CHRM3: variants seen among roughly 807,000 people sequenced by gnomAD.
The protein encoded by CHRM3 is muscarinic acetylcholine receptor M3.
CHRM3 carries 11 observed loss-of-function variants against 41.8 expected under a neutral mutation model. The observed-to-expected ratio is 0.26, with a 90% confidence interval of 0.17 to 0.44. CHRM3 has a LOEUF of 0.44. CHRM3 is among the 20% of genes least tolerant of loss of function. CHRM3 has a pLI of 1.00. For synonymous variants in CHRM3, 297 were observed against 301.4 expected, an observed-to-expected ratio of 0.99 and a Z score of 0.15; for missense variants, 571 against 745.4, an observed-to-expected ratio of 0.77 and a Z score of 2.72.
intron 5 of CHRM3, among the ~76,000 whole-genome samples, chr1:239,818,963 T>C (rs1424551347): frequency 1.3e-5 from 2 of 152,240 alleles, no homozygotes; most frequent in South Asian, 2.1e-4. Flanking sequence ...CCAAGTTCAG[T>C]TTGATTATGT....
chr1:239,841,727 T>C (rs978078632), intron 6 of CHRM3, among the ~76,000 whole-genome samples: 5 of 152,330 alleles, frequency 3.3e-5, no homozygotes, highest in African/African-American at 9.6e-5. Context: ...AAGAGCAGCT[T>C]TCAAGGCATT....
At chr1:239,857,172 G>T (rs1675189560) in intron 6 of CHRM3, among the ~76,000 whole-genome samples, 1 of 152,062 alleles carries the variant, frequency 6.6e-6, no homozygotes, top group Non-Finnish European at 1.5e-5. Context: ...TGAGTGAGTG[G>T]CAACTTTTAG....
chr1:239,400,240 T>A lies in CHRM3; in HGVS notation c.-521+13013T>A, dbSNP rs143370042. On this transcript the variant is annotated intron_variant, in intron 1 of 6. Coordinates refer to ENST00000676153, the MANE Select transcript of CHRM3 (RefSeq NM_001375978.1). Reference sequence around the variant, plus strand: ...TTTATTTTTATATAGCTGTTGGCCATTTGTAAGTTTTATTTTGAGAAATCT... The same window carrying A: ...TTTATTTTTATATAGCTGTTGGCCAATTGTAAGTTTTATTTTGAGAAATCT... Among the ~76,000 whole-genome samples the A allele has an allele frequency of 2.0e-5, 3 of 152,328 alleles. No individual in the cohort carries two copies. In the East Asian group the frequency reaches 5.8e-4, roughly 29 times the overall value.
chr1:239,901,140 C>A (rs1451330721), intron 6 of CHRM3, among the ~76,000 whole-genome samples: 1 of 152,142 alleles, frequency 6.6e-6, no homozygotes, highest in Non-Finnish European at 1.5e-5. Context: ...GACAGGAGGG[C>A]ATGAGGCACG....
At chr1:239,863,940 A>G (rs1417443287) in intron 6 of CHRM3, among the ~76,000 whole-genome samples, 2 of 152,192 alleles carry the variant, frequency 1.3e-5, no homozygotes, top group African/African-American at 2.4e-5. Flanking sequence ...AGGTTATTCC[A>G]GGAATGTAAG....
intron 6 of CHRM3, among the ~76,000 whole-genome samples, chr1:239,895,992 T>A (rs1430232314): frequency 6.6e-6 from 1 of 152,206 alleles, no homozygotes; most frequent in East Asian, 1.9e-4. Flanking sequence ...CAACAAAATG[T>A]AACTATTCAT....
rs544085404 is a variant in CHRM3, at chr1:239,469,544, T to A, written c.-520-23165T>A. On this transcript the variant is annotated intron_variant, in intron 1 of 6. Coordinates refer to ENST00000676153, the MANE Select transcript of CHRM3 (RefSeq NM_001375978.1). Reference sequence around the variant, plus strand: ...TAGACACCAGCCTTGAGCACTTTTTTAAAAAATTTTTTTATTTTTATTTTT... The same window carrying A: ...TAGACACCAGCCTTGAGCACTTTTTAAAAAAATTTTTTTATTTTTATTTTT... Among the ~76,000 whole-genome samples, 221 of 152,296 alleles carry A rather than the reference T, an allele frequency of 1.5e-3. 2 individuals carry two copies. Among genetic ancestry groups the A allele is most frequent in the Middle Eastern group, 0.01 (3 of 294 alleles).
At chr1:239,389,757 C>G (rs548864567) in intron 1 of CHRM3, among the ~76,000 whole-genome samples, 1 of 152,232 alleles carries the variant, frequency 6.6e-6, no homozygotes, top group Non-Finnish European at 1.5e-5. Flanking sequence ...GTCATTTTCC[C>G]AGCCAACATA....
chr1:239,530,018 C>A (rs1201970693), intron 2 of CHRM3, among the ~76,000 whole-genome samples: 1 of 152,066 alleles, frequency 6.6e-6, no homozygotes, highest in Non-Finnish European at 1.5e-5. Context: ...CTGCCTCAGC[C>A]TCCCGAGTAG....
chr1:239,852,965 G>T (rs1257016580), intron 6 of CHRM3, among the ~76,000 whole-genome samples: 1 of 152,032 alleles, frequency 6.6e-6, no homozygotes, highest in Non-Finnish European at 1.5e-5. Context: ...ATTCTGTCAT[G>T]AAAGTTTGGA....
At chr1:239,465,586 C>T (rs887423697) in intron 1 of CHRM3, among the ~76,000 whole-genome samples, 10 of 152,206 alleles carry the variant, frequency 6.6e-5, no homozygotes, top group African/African-American at 1.9e-4. Context: ...CCATCACTGA[C>T]GTCGGGTTTG....
intron 3 of CHRM3, among the ~76,000 whole-genome samples, chr1:239,562,561 AGAT>A (rs1434752719): frequency 2.0e-5 from 3 of 152,106 alleles, no homozygotes; most frequent in Admixed American, 6.5e-5. Flanking sequence ...TGTTCTATTT[AGAT>A]GATGATGATG....
intron 1 of CHRM3, among the ~76,000 whole-genome samples, chr1:239,473,250 C>T (rs954805575): frequency 3.3e-5 from 4 of 119,990 alleles, no homozygotes; most frequent in African/African-American, 1.3e-4. Context: ...ACTTAATAAA[C>T]GTAAGCATAT....
rs373195302 is a variant in CHRM3, at chr1:239,872,055, C to A, written c.-19-35378C>A. On this transcript the variant is annotated intron_variant, in intron 6 of 6. Transcript: ENST00000676153. ...ACTTTGTAAGAAAGCTAACACACCT[C>A]ACCCCACACTAGCCACTGGTCTCTT... Among the ~76,000 whole-genome samples, 98 of 152,310 alleles carry A rather than the reference C, an allele frequency of 6.4e-4. 1 individual carries two copies. The East Asian group carries it at 0.014, about 22-fold the overall frequency.
chr1:239,909,178 G>T lies in CHRM3; in HGVS notation c.1727G>T (p.Arg576Ile). Residue 576 changes from arginine to isoleucine, a missense_variant, in exon 7 of 7, where the codon AGA (arginine) becomes ATA (isoleucine). Physicochemically the swap from Arg to Ile is moderately conservative, Grantham distance 97 (BLOSUM62 -3). Transcript: ENST00000676153. The part of the protein sequence containing the change: ...KKRRKQQYQQ[R>I]QSVIFHKRAP... The stretch of plus-strand genomic sequence containing the variant: ...AGGCGCAAGCAGCAGTACCAGCAGA[G>T]ACAGTCGGTCATTTTTCACAAGCGC... The T allele has an allele frequency of 6.2e-7, 1 of 1,613,536 alleles. No individual in the cohort carries two copies. The highest frequency in any genetic ancestry group is 8.5e-7 in the Non-Finnish European group (1 of 1,179,878).
At chr1:239,664,149 C>T (rs1553357208) in intron 4 of CHRM3, among the ~76,000 whole-genome samples, 1 of 152,182 alleles carries the variant, frequency 6.6e-6, no homozygotes, top group Non-Finnish European at 1.5e-5. Flanking sequence ...CAGTAGATGA[C>T]TATTCATTCA....
Position 239,884,889 on chromosome 1 carries a change from A to G in CHRM3, c.-19-22544A>G, listed in dbSNP as rs1016071106. Among the ~76,000 whole-genome samples, 17 of 152,112 alleles carry G rather than the reference A, an allele frequency of 1.1e-4. 1 individual carries two copies. The highest frequency in any genetic ancestry group is 2.9e-5 in the Non-Finnish European group (2 of 68,024). On this transcript the variant is annotated intron_variant, in intron 6 of 6. Coordinates refer to ENST00000676153, the MANE Select transcript of CHRM3 (RefSeq NM_001375978.1). The stretch of plus-strand genomic sequence containing the variant: ...AGCGAATTCTTGTTAAGTGGCTGGT[A>G]AAAAAACAAGCATAATATGGTTCAC...
At chr1:239,597,930 C>T (rs748069675) in intron 3 of CHRM3, among the ~76,000 whole-genome samples, 1 of 144,732 alleles carries the variant, frequency 6.9e-6, no homozygotes, top group East Asian at 2.1e-4. Flanking sequence ...ACAGGGGTCT[C>T]GTGCAGTTCA....
At chr1:239,844,402 G>A (rs1402716182) in intron 6 of CHRM3, among the ~76,000 whole-genome samples, 2 of 152,086 alleles carry the variant, frequency 1.3e-5, no homozygotes, top group Non-Finnish European at 2.9e-5. Context: ...CAAACTACAA[G>A]GAAAGAAATA....
Sources: gnomAD v4.1 joint callset for allele counts (sites outside exome capture counted in the v4.1 genomes callset) on GRCh38, gnomAD v4.1.1 for gene constraint, MANE v1.5 for transcripts, NCBI Gene and HGNC (gene_info 2026-07-23, HGNC 2026-07-21) for gene names.